The following B3GALNT1 variants were observed in gnomAD, a reference collection of about 807,000 sequenced individuals.
The protein encoded by B3GALNT1 is beta-1,3-N-acetylgalactosaminyltransferase 1 (Globoside blood group).
In B3GALNT1, 17 loss-of-function variants were observed where a neutral mutation model predicts 27.3. The observed-to-expected ratio is 0.62, with a 90% confidence interval of 0.43 to 0.94. The LOEUF (loss-of-function observed/expected upper bound fraction) is 0.94. B3GALNT1 is among the 40% of genes least tolerant of loss of function. The probability of loss-of-function intolerance (pLI) is 0.00; values close to 1 mark genes in which losing one functional copy is unlikely to be tolerated. For synonymous variants in B3GALNT1, 141 were observed against 144.0 expected (o/e 0.98, Z 0.15); for missense variants, 347 against 390.0 (o/e 0.89, Z 0.93).
At chr3:161,094,785 G>A (rs1340558053) in intron 4 of B3GALNT1, among the ~76,000 whole-genome samples, 1 of 151,938 alleles carries the variant, frequency 6.6e-6, no homozygotes, top group East Asian at 1.9e-4. Flanking sequence ...TCAAACTCCT[G>A]GCCTCAAGTG....
chr3:161,105,313 C>A lies in B3GALNT1; in HGVS notation c.-387G>T, dbSNP rs1379958643. ...CTCCCTGCGCACACACGCAGCCTCC[C>A]CGCATCCGCACGCACGGCCGGGCGC... On this transcript the variant is annotated 5_prime_UTR_variant, in exon 1 of 5. Coordinates refer to ENST00000320474, the MANE Select transcript of B3GALNT1 (RefSeq NM_003781.4). 6.6e-6 allele frequency: 1 copy of A among 152,106 alleles called. No homozygotes were observed. The highest frequency in any genetic ancestry group is 1.5e-5 in the Non-Finnish European group (1 of 68,044). 9.4% of individuals were successfully genotyped at this position (152,106 alleles called of 1,614,324 possible). A position where few individuals can be genotyped will look rare whatever the true frequency, so the allele number is the denominator to read the frequency against.
At chr3:161,088,095 T>C (rs1297643529) in intron 4 of B3GALNT1, among the ~76,000 whole-genome samples, 1 of 152,134 alleles carries the variant, frequency 6.6e-6, no homozygotes, top group African/African-American at 2.4e-5. Flanking sequence ...ATGGGAAGGC[T>C]AGTCTACCAA....
intron 4 of B3GALNT1, among the ~76,000 whole-genome samples, chr3:161,092,573 C>T (rs1035468768): frequency 7.2e-5 from 11 of 151,742 alleles, no homozygotes; most frequent in African/African-American, 1.2e-4. Flanking sequence ...TAATTCAGGG[C>T]GATGGAAATA....
In B3GALNT1 at chr3:161,090,750, T is replaced by C. The variant is rs191534128; in HGVS notation, c.-34-3962A>G. Among the ~76,000 whole-genome samples the C allele has an allele frequency of 2.0e-5, 3 of 152,224 alleles. No homozygotes were observed. The East Asian group carries it at 5.8e-4, about 29-fold the overall frequency. Reference sequence around the variant, plus strand: ...GCTCAAAATCCTTATATACACAATTTGTTTCATCCATAAATTTAAAGAGAA... The same window carrying C: ...GCTCAAAATCCTTATATACACAATTCGTTTCATCCATAAATTTAAAGAGAA... On this transcript the variant is annotated intron_variant, in intron 4 of 4. Transcript: ENST00000320474.
chr3:161,103,711 C>G (rs931214011), intron 2 of B3GALNT1, among the ~76,000 whole-genome samples, 194 bp from the exon 3 acceptor site: 5 of 152,134 alleles, frequency 3.3e-5, no homozygotes, highest in Admixed American at 6.5e-5. Context: ...TGAAATTATA[C>G]TTGGACACTG....
intron 4 of B3GALNT1, among the ~76,000 whole-genome samples, chr3:161,094,725 G>C (rs1423800289): frequency 1.3e-5 from 2 of 151,902 alleles, no homozygotes; most frequent in Non-Finnish European, 2.9e-5. Flanking sequence ...ATGTTTCCCA[G>C]GCTGGACAGC....
rs1022448512 is a variant in B3GALNT1 at position 161,086,593 on chromosome 3, C to A, written c.162G>T (p.Glu54Asp). 1.2e-6 allele frequency: 2 copies of A among 1,614,164 alleles called. No individual in the cohort carries two copies. Among genetic ancestry groups the A allele is most frequent in the Non-Finnish European group, 1.7e-6 (2 of 1,180,048 alleles). The change falls in exon 5 of 5, where the codon GAG (glutamate) becomes GAT (aspartate). Residue 54 changes from glutamate to aspartate, a missense_variant. Transcript: ENST00000320474. ...IERVNWMYFYEYEPIYRQDFH... is the reference protein window; with the variant it reads ...IERVNWMYFYDYEPIYRQDFH... Reference sequence around the variant, plus strand: ...AGTCTTGTCTGTAAATCGGCTCATACTCATAGAAGTACATCCAGTTCACGC... The same window carrying A: ...AGTCTTGTCTGTAAATCGGCTCATAATCATAGAAGTACATCCAGTTCACGC...
chr3:161,083,968 T>C lies in B3GALNT1; in HGVS notation c.*1791A>G. The C allele has an allele frequency of 6.6e-6, 1 of 152,256 alleles. No homozygotes were observed. Among genetic ancestry groups the C allele is most frequent in the East Asian group, 1.9e-4 (1 of 5,204 alleles). The allele number at this position is 152,256 out of a possible 1,614,324, so 9.4% of individuals were successfully genotyped here. On this transcript the variant is annotated 3_prime_UTR_variant, in exon 5 of 5. Transcript: ENST00000320474. The stretch of plus-strand genomic sequence containing the variant: ...TACATAACTGAATGTGCTGTACTTT[T>C]ATACAACTGGCAGTGTAGTAGGTTT...
intron 4 of B3GALNT1, among the ~76,000 whole-genome samples, chr3:161,092,797 C>T (rs796253454): frequency 4.7e-5 from 6 of 127,254 alleles, no homozygotes; most frequent in Admixed American, 4.5e-4. Flanking sequence ...GATGGAGTCT[C>T]GCTCTGTCGC....
At chr3:161,091,705 T>C (rs1446395899) in intron 4 of B3GALNT1, among the ~76,000 whole-genome samples, 1 of 152,200 alleles carries the variant, frequency 6.6e-6, no homozygotes, top group African/African-American at 2.4e-5. Flanking sequence ...TCAAAGTGCT[T>C]CCTTTAAGTG....
chr3:161,103,519 TGAACA>T lies in B3GALNT1; in HGVS notation c.-220-7_-220-3del, dbSNP rs1560019510. On this transcript the variant is annotated splice_polypyrimidine_tract_variant and splice_region_variant and intron_variant, in intron 2 of 4. Transcript: ENST00000320474. ...AACACTCAGATCTGTTGTGAACTAC[TGAACA>T]GAAGAACAGAAAAAAATATATATGA... The T allele has an allele frequency of 1.6e-6, 2 of 1,223,414 alleles. No homozygotes were observed. Among genetic ancestry groups the T allele is most frequent in the Non-Finnish European group, 2.1e-6 (2 of 937,044 alleles). 75.8% of individuals were successfully genotyped at this position (1,223,414 alleles called of 1,614,324 possible).
At chr3:161,091,778 G>A (rs1161279771) in intron 4 of B3GALNT1, among the ~76,000 whole-genome samples, 1 of 152,166 alleles carries the variant, frequency 6.6e-6, no homozygotes, top group Non-Finnish European at 1.5e-5. Flanking sequence ...GGCATGTTTG[G>A]GGGACAGGCT....
Position 161,085,850 on chromosome 3 carries a change from A to G in B3GALNT1, c.905T>C (p.Leu302Pro). The stretch of plus-strand genomic sequence containing the variant: ...GCCATGGGCTGCAATCACACGTCTC[A>G]GTTGACAGACATCCAAATGGATTCT... ...LYRIHLDVCQ[L>P]RRVIAAHGFS... The change falls in exon 5 of 5, where the codon CTG (leucine) becomes CCG (proline). Residue 302 changes from leucine to proline, a missense_variant. By Grantham distance (98) the Leu-to-Pro change is moderately conservative (BLOSUM62 -3). Coordinates refer to ENST00000320474, the MANE Select transcript of B3GALNT1 (RefSeq NM_003781.4). The G allele has an allele frequency of 6.2e-7, 1 of 1,614,140 alleles. No individual in the cohort carries two copies. The highest frequency in any genetic ancestry group is 1.1e-5 in the South Asian group (1 of 91,082).
Position 161,103,430 on chromosome 3 carries a change from T to TG in B3GALNT1, c.-134dup. The TG allele has an allele frequency of 8.0e-7, 1 of 1,248,218 alleles. No homozygotes were observed. The highest frequency in any genetic ancestry group is 1.3e-5 in the South Asian group (1 of 79,150). 77.3% of individuals were successfully genotyped at this position (1,248,218 alleles called of 1,614,324 possible). On this transcript the variant is annotated 5_prime_UTR_variant, in exon 3 of 5. Transcript: ENST00000320474. The stretch of plus-strand genomic sequence containing the variant: ...AGTTAAAAGTAGATGAACTTACCTG[T>TG]GGAATTCCAGATGAAATTAAAGCTT...
In B3GALNT1 at chr3:161,093,197, C is replaced by A. The variant is rs540046490; in HGVS notation, c.-34-6409G>T. Reference sequence around the variant, plus strand: ...CTTAATGGTTTCTGAATATTCCCAACATAAAGAAATGATAAATTTTTGAGG... The same window carrying A: ...CTTAATGGTTTCTGAATATTCCCAAAATAAAGAAATGATAAATTTTTGAGG... On this transcript the variant is annotated intron_variant, in intron 4 of 4. Coordinates refer to ENST00000320474, the MANE Select transcript of B3GALNT1 (RefSeq NM_003781.4). 3.7e-4 allele frequency among the ~76,000 whole-genome samples: 56 copies of A among 152,244 alleles called. 2 individuals are homozygous for A. In the South Asian group the frequency reaches 0.012, roughly 32 times the overall value.
chr3:161,094,748 C>A (rs941782395), intron 4 of B3GALNT1, among the ~76,000 whole-genome samples: 5 of 152,184 alleles, frequency 3.3e-5, no homozygotes, highest in African/African-American at 1.2e-4. Context: ...TGGCCATTCA[C>A]AGGCACAATT....
intron 4 of B3GALNT1, among the ~76,000 whole-genome samples, chr3:161,089,392 A>G (rs537514082): frequency 2.6e-5 from 4 of 151,652 alleles, no homozygotes; most frequent in East Asian, 1.9e-4. Context: ...TGGTTAAAAA[A>G]TGTAACTAAA....
rs1721229993 is a variant in B3GALNT1 at position 161,085,539 on chromosome 3, TC to T, written c.*219del. 1.8e-6 allele frequency: 1 copy of T among 557,662 alleles called. No individual in the cohort carries two copies. The highest frequency in any genetic ancestry group is 1.9e-5 in the African/African-American group (1 of 53,020). 34.5% of individuals were successfully genotyped at this position (557,662 alleles called of 1,614,324 possible). The stretch of plus-strand genomic sequence containing the variant: ...CCTATTAATTTCTTTAGCAAAAACC[TC>T]CAATTCCTTTATATTTAATTCCTCC... On this transcript the variant is annotated 3_prime_UTR_variant, in exon 5 of 5. Transcript: ENST00000320474.
At chr3:161,104,593 T>C in intron 1 of B3GALNT1, 187 bp from the exon 2 acceptor site, 1 of 348,728 alleles carries the variant, frequency 2.9e-6, no homozygotes, top group Non-Finnish European at 5.6e-6. Context: ...ACGCCCTGTA[T>C]GTTCCTTAAC....
Sources: allele counts gnomAD v4.1 joint callset (sites outside exome capture counted in the v4.1 genomes callset), GRCh38; gene constraint gnomAD v4.1.1; transcripts MANE v1.5; gene names NCBI Gene and HGNC (gene_info 2026-07-23, HGNC 2026-07-21).